Variants in GCN1 observed in about 807,000 individuals in gnomAD.
The protein encoded by GCN1 is GCN1 activator of EIF2AK4.
Under a neutral mutation model 288.4 loss-of-function variants are expected in GCN1, and 90 were observed. That is an observed-to-expected ratio of 0.31 (90% confidence interval 0.26 to 0.37). The LOEUF is 0.37. Among genes scored for constraint, GCN1 ranks in the 10% least tolerant of loss-of-function variants. The probability of loss-of-function intolerance (pLI) is 1.00; values close to 1 mark genes in which losing one functional copy is unlikely to be tolerated. For synonymous variants in GCN1, 1,386 were observed against 1,420.2 expected (o/e 0.98, Z 0.54); for missense variants, 2,586 against 3,419.9 (o/e 0.76, Z 6.08).
intron 16 of GCN1, among the ~76,000 whole-genome samples, chr12:120,167,352 CAA>C (rs58505091): frequency 0.31 from 22,556 of 72,300 alleles, 1,925 homozygotes; most frequent in East Asian, 0.59. Context: ...AACTCCATCT[CAA>C]AAAAAAAAAA....
Position 120,144,701 on chromosome 12 carries a change from G to A in GCN1, c.5290C>T (p.Pro1764Ser). The change falls in exon 41 of 58, where the codon CCC (proline) becomes TCC (serine). Residue 1764 changes from proline to serine, a missense_variant. Pro to Ser is a moderately conservative substitution (Grantham distance 74, BLOSUM62 -1). Around this residue, in one of 8 missense-constraint regions of GCN1, gnomAD observed 371 missense variants for 572.6 expected, o/e 0.65. Coordinates refer to ENST00000300648, the MANE Select transcript of GCN1 (RefSeq NM_006836.2). The surrounding 1 kb of genome is among the most constrained non-coding windows in gnomAD (Gnocchi z 4.7). ...DGYIMMFNYLPITFGDKFTPY... is the reference protein window; with the variant it reads ...DGYIMMFNYLSITFGDKFTPY... ...GTAAACTTGTCTCCAAAGGTGATGG[G>A]CAGGTAGTTAAACATCATAATGTAG... 1 of 1,614,026 alleles carries A rather than the reference G, an allele frequency of 6.2e-7. No homozygotes were observed. The highest frequency in any genetic ancestry group is 8.5e-7 in the Non-Finnish European group (1 of 1,179,844).
At chr12:120,187,184 G>C (rs1196695829) in intron 2 of GCN1, among the ~76,000 whole-genome samples, 1 of 152,010 alleles carries the variant, frequency 6.6e-6, no homozygotes, top group African/African-American at 2.4e-5. Context: ...GGACAGAAAG[G>C]GAGACCCAAT....
At chr12:120,181,422 GC>G (rs1404293581) in intron 5 of GCN1, among the ~76,000 whole-genome samples, 1 of 132,100 alleles carries the variant, frequency 7.6e-6, no homozygotes, top group Non-Finnish European at 1.5e-5. Context: ...CTGAGATCAT[GC>G]CACTGTGCTC....
rs762748328 is a variant in GCN1, at chr12:120,148,357, C to G, written c.4547-11G>C. On this transcript the variant is annotated splice_polypyrimidine_tract_variant and intron_variant, in intron 36 of 57. Coordinates refer to ENST00000300648, the MANE Select transcript of GCN1 (RefSeq NM_006836.2). ...GAAGCTCCACTGACCCTGTGGATAG[C>G]AGACACAAGCCCAGTACTGAATCAC... 7 of 1,608,204 alleles carry G rather than the reference C, an allele frequency of 4.4e-6. No homozygotes were observed. In the East Asian group the frequency reaches 6.7e-5, roughly 15 times the overall value.
At position 120,156,405 on chromosome 12, in the gene GCN1, T is replaced by G. The variant is rs1286420511; in HGVS notation, c.3312+56A>C. 3 of 1,535,848 alleles carry G rather than the reference T, an allele frequency of 2.0e-6. No individual in the cohort carries two copies. The highest frequency in any genetic ancestry group is 2.7e-6 in the Non-Finnish European group (3 of 1,115,492). On this transcript the variant is annotated intron_variant, in intron 28 of 57. Coordinates refer to ENST00000300648, the MANE Select transcript of GCN1 (RefSeq NM_006836.2). The surrounding 1 kb of genome is among the most constrained non-coding windows in gnomAD (Gnocchi z 5.8). Reference sequence around the variant, plus strand: ...TCTCTCAAATGCCCATCATGCAATTTGCACTTGCATAGAGTGACAAGGGAC... The same window carrying G: ...TCTCTCAAATGCCCATCATGCAATTGGCACTTGCATAGAGTGACAAGGGAC...
At position 120,175,853 on chromosome 12, in the gene GCN1, G is replaced by T; in HGVS notation, c.935C>A (p.Pro312His). 1 of 1,610,456 alleles carries T rather than the reference G, an allele frequency of 6.2e-7. No individual in the cohort carries two copies. Among genetic ancestry groups the T allele is most frequent in the Non-Finnish European group, 8.5e-7 (1 of 1,178,934 alleles). ...CAGCACAGCTTCATCCATCAGGCGGGGACTGTTGGATTTCAGGTGACCTGC... is the reference window on the plus strand; with the variant it reads ...CAGCACAGCTTCATCCATCAGGCGGTGACTGTTGGATTTCAGGTGACCTGC... ...GLAGHLKSNS[P>H]RLMDEAVLAL... The change falls in exon 11 of 58, where the codon CCC (proline) becomes CAC (histidine). Residue 312 changes from proline to histidine, a missense_variant. Physicochemically the swap from Pro to His is moderately conservative, Grantham distance 77. Around this residue, in one of 8 missense-constraint regions of GCN1, gnomAD observed 913 missense variants for 1,107.0 expected, o/e 0.82. Transcript: ENST00000300648.
At chr12:120,141,364 C>T (rs914308335) in intron 44 of GCN1, among the ~76,000 whole-genome samples, 6 of 152,094 alleles carry the variant, frequency 3.9e-5, no homozygotes, top group African/African-American at 1.4e-4. Context: ...GAGCAGGAGC[C>T]GAATCTGGAA....
chr12:120,164,281 C>A, intron 18 of GCN1, 55 bp downstream of exon 18: 1 of 1,509,980 alleles, frequency 6.6e-7, no homozygotes, highest in Non-Finnish European at 9.1e-7. Context: ...ACATCGTAAG[C>A]AGGGGCAGCT....
intron 1 of GCN1, among the ~76,000 whole-genome samples, chr12:120,190,622 C>G (rs1415770616): frequency 6.6e-6 from 1 of 152,144 alleles, no homozygotes; most frequent in Non-Finnish European, 1.5e-5. Context: ...CCACCTTCCC[C>G]ACCCGCCCCA....
Position 120,166,876 on chromosome 12 carries a change from T to C in GCN1, c.1612+1332A>G, listed in dbSNP as rs149151575. On this transcript the variant is annotated intron_variant, in intron 16 of 57. Coordinates refer to ENST00000300648, the MANE Select transcript of GCN1 (RefSeq NM_006836.2). Reference sequence around the variant, plus strand: ...AAAAAATACAAAAATTAGCCAGATGTGGTGGTGTGCACCTGTAGTCCCAGC... The same window carrying C: ...AAAAAATACAAAAATTAGCCAGATGCGGTGGTGTGCACCTGTAGTCCCAGC... Among the ~76,000 whole-genome samples the C allele has an allele frequency of 6.5e-3, 987 of 150,896 alleles. 21 individuals carry two copies. The highest frequency in any genetic ancestry group is 0.023 in the African/African-American group (943 of 41,018).
Position 120,149,750 on chromosome 12 carries a change from C to A in GCN1, c.4432-30G>T, listed in dbSNP as rs760219146. The A allele has an allele frequency of 3.2e-6, 5 of 1,579,532 alleles. No individual in the cohort carries two copies. The South Asian group carries it at 4.4e-5, about 14-fold the overall frequency. ...AGGGGGGAGAAAACACATTCAGGGG[C>A]CTCCTCACCCAAGCAAGGGGCAAGG... On this transcript the variant is annotated intron_variant, in intron 35 of 57. Transcript: ENST00000300648.
At chr12:120,192,770 C>A (rs1207565871) in intron 1 of GCN1, among the ~76,000 whole-genome samples, 1 of 145,652 alleles carries the variant, frequency 6.9e-6, no homozygotes, top group Non-Finnish European at 1.5e-5. Flanking sequence ...CAAGGCCGGG[C>A]ATGGTGGTTC....
chr12:120,177,046 A>G (rs1172644880), intron 9 of GCN1, among the ~76,000 whole-genome samples: 2 of 152,170 alleles, frequency 1.3e-5, no homozygotes, highest in Non-Finnish European at 2.9e-5. Context: ...GATTACAGGC[A>G]TGAGCCACCG....
intron 5 of GCN1, among the ~76,000 whole-genome samples, chr12:120,180,832 C>CA (rs1243838201): frequency 2.0e-5 from 3 of 148,520 alleles, no homozygotes; most frequent in African/African-American, 5.0e-5. Context: ...ACTAAAAATA[C>CA]AAAAAAAATT....
In GCN1 at chr12:120,129,451, T is replaced by C. The variant is rs770176150; in HGVS notation, c.7715A>G (p.Lys2572Arg). Residue 2572 changes from lysine to arginine, a missense_variant, in exon 57 of 58, where the codon AAG becomes AGG. This residue lies in a region of GCN1 where 355 missense variants were observed against 431.1 expected (regional missense o/e 0.82). Coordinates refer to ENST00000300648, the MANE Select transcript of GCN1 (RefSeq NM_006836.2). ...GTCCTTATTTGCCCACCAGATCATC[T>C]TCTCAGCCACCAGCCTGATGTCGCT... ...PSSDIRLVAE[K>R]MIWWANKDPL... 1 of 1,614,110 alleles carries C rather than the reference T, an allele frequency of 6.2e-7. No homozygotes were observed. Among genetic ancestry groups the C allele is most frequent in the Non-Finnish European group, 8.5e-7 (1 of 1,179,942 alleles).
chr12:120,177,356 C>A (rs192418658), intron 9 of GCN1, 91 bp downstream of exon 9: 29 of 683,224 alleles, frequency 4.2e-5, no homozygotes, highest in South Asian at 1.9e-4. Flanking sequence ...TTCCCTCCCC[C>A]CTACCACACA....
chr12:120,130,530 G>A (rs952276943), intron 56 of GCN1, 116 bp downstream of exon 56: 46 of 713,230 alleles, frequency 6.4e-5, no homozygotes, highest in African/African-American at 3.5e-4. Flanking sequence ...CCTGGAGGCC[G>A]TCCACGGAGA....
chr12:120,185,556 A>G (rs1458488296), intron 2 of GCN1, among the ~76,000 whole-genome samples: 2 of 152,130 alleles, frequency 1.3e-5, no homozygotes, highest in African/African-American at 2.4e-5. Flanking sequence ...ATTCATACAC[A>G]TTCACTCATT....
intron 15 of GCN1, among the ~76,000 whole-genome samples, chr12:120,168,916 G>A (rs1878219267): frequency 6.6e-6 from 1 of 152,182 alleles, no homozygotes; most frequent in South Asian, 2.1e-4. Flanking sequence ...GTGAGCACAC[G>A]ATATTACATG....
Sources: gnomAD v4.1 joint callset for allele counts (sites outside exome capture counted in the v4.1 genomes callset) on GRCh38, gnomAD v4.1.1 for gene constraint, gnomAD v4.1.1 regional missense constraint, Gnocchi (gnomAD v3.1) non-coding constraint, MANE v1.5 for transcripts, NCBI Gene and HGNC (gene_info 2026-07-23, HGNC 2026-07-21) for gene names.